ABHD18: variants seen among roughly 807,000 people sequenced by gnomAD.
The protein encoded by ABHD18 is abhydrolase domain containing 18, also known as cardiolipin-specific deacylase, mitochondrial.
ABHD18 carries 55 observed loss-of-function variants against 65.9 expected under a neutral mutation model. The ratio of observed to expected loss-of-function variants is 0.84; its 90% CI spans 0.67 to 1.05. The LOEUF (loss-of-function observed/expected upper bound fraction) is 1.05, where lower values mean the gene tolerates loss of function less well. Ranked by LOEUF, ABHD18 falls within the 50% of genes least tolerant of loss-of-function variation. ABHD18 has a pLI of 0.00. For synonymous variants in ABHD18, 181 were observed against 180.2 expected, an observed-to-expected ratio of 1.00 and a Z score of -0.04; for missense variants, 533 against 558.5, an observed-to-expected ratio of 0.95 and a Z score of 0.46.
At chr4:128,033,381 A>AT (rs1560948432) in intron 12 of ABHD18, among the ~76,000 whole-genome samples, 1 of 151,964 alleles carries the variant, frequency 6.6e-6, no homozygotes, top group Non-Finnish European at 1.5e-5. Context: ...TCCACCTCTA[A>AT]TTTTTTTCCC....
At position 127,967,797 on chromosome 4, in the gene ABHD18, T is replaced by A. The variant is rs181433117; in HGVS notation, c.-18+2191T>A. Among the ~76,000 whole-genome samples the A allele has an allele frequency of 3.2e-3, 490 of 152,238 alleles. 6 individuals carry two copies. The highest frequency in any genetic ancestry group is 0.011 in the African/African-American group (472 of 41,540). ...CATATATATATATGTAATTTTTTTT[T>A]ATAAAGCCCATGGAAAAGAGGAGCT... On this transcript the variant is annotated intron_variant, in intron 1 of 12. Coordinates refer to ENST00000645843, the MANE Select transcript of ABHD18 (RefSeq NM_001358451.3).
At chr4:127,971,095 G>T (rs1010738459) in intron 1 of ABHD18, among the ~76,000 whole-genome samples, 1 of 149,048 alleles carries the variant, frequency 6.7e-6, no homozygotes, top group Non-Finnish European at 1.5e-5. Context: ...AAAAAAGAAA[G>T]AAATTAGCCG....
At chr4:127,992,742 C>T (rs1426596198) in intron 4 of ABHD18, among the ~76,000 whole-genome samples, 1 of 151,960 alleles carries the variant, frequency 6.6e-6, no homozygotes, top group East Asian at 1.9e-4. Context: ...GGGGGTCTCA[C>T]TACATTGTCC....
chr4:127,972,344 C>CTCTGTGGAGG (rs917029906), intron 1 of ABHD18, among the ~76,000 whole-genome samples: 2 of 152,100 alleles, frequency 1.3e-5, no homozygotes, highest in Admixed American at 6.6e-5. Flanking sequence ...CTCCCTTCCC[C>CTCTGTGGAGG]TCTGTGGAGG....
At chr4:128,020,231 G>A (rs1052073468) in intron 9 of ABHD18, 62 bp downstream of exon 9, 2 of 1,373,884 alleles carry the variant, frequency 1.5e-6, no homozygotes, top group South Asian at 1.2e-5. Flanking sequence ...GTTTTGGGGG[G>A]GTCCCCAAAA....
chr4:128,034,158 C>T (rs1758604281), intron 12 of ABHD18, among the ~76,000 whole-genome samples: 1 of 151,746 alleles, frequency 6.6e-6, no homozygotes, highest in Admixed American at 6.6e-5. Context: ...GGGGTTTCAC[C>T]ATGTTGGCCA....
intron 4 of ABHD18, among the ~76,000 whole-genome samples, chr4:128,000,463 A>T (rs541504349): frequency 2.6e-5 from 4 of 152,056 alleles, no homozygotes; most frequent in Non-Finnish European, 4.4e-5. Context: ...TGCATTCTCT[A>T]TGCTATTCCA....
At chr4:128,034,119 C>T (rs1431168899) in intron 12 of ABHD18, among the ~76,000 whole-genome samples, 4 of 151,416 alleles carry the variant, frequency 2.6e-5, no homozygotes, top group Admixed American at 1.3e-4. Context: ...CCACCACACC[C>T]GGCTAATGTT....
chr4:127,974,188 G>GTT lies in ABHD18; in HGVS notation c.-18+8608_-18+8609dup, dbSNP rs34967150. 1.9e-3 allele frequency among the ~76,000 whole-genome samples: 195 copies of GTT among 101,494 alleles called. 12 individuals are homozygous for GTT. Among genetic ancestry groups the GTT allele is most frequent in the African/African-American group, 5.2e-3 (141 of 27,376 alleles). The allele number at this position is 101,494 out of a possible 152,430, so 66.6% of individuals were successfully genotyped here. A position where few individuals can be genotyped will look rare whatever the true frequency, so the allele number is the denominator to read the frequency against. On this transcript the variant is annotated intron_variant, in intron 1 of 12. Coordinates refer to ENST00000645843, the MANE Select transcript of ABHD18 (RefSeq NM_001358451.3). ...GAAGAGAATATTAACCTTAAGTTCTGTTTTTTTTTTTTTTTTTTTTTTTTT... is the reference window on the plus strand; with the variant it reads ...GAAGAGAATATTAACCTTAAGTTCTGTTTTTTTTTTTTTTTTTTTTTTTTTTT...
At chr4:127,996,542 G>A (rs1030501281) in intron 4 of ABHD18, among the ~76,000 whole-genome samples, 8 of 152,156 alleles carry the variant, frequency 5.3e-5, no homozygotes, top group African/African-American at 1.9e-4. Context: ...TTACTGATGA[G>A]GGTCTATGTC....
At chr4:127,977,270 C>T (rs769850457) in intron 1 of ABHD18, among the ~76,000 whole-genome samples, 10 of 149,496 alleles carry the variant, frequency 6.7e-5, no homozygotes, top group Admixed American at 1.3e-4. Flanking sequence ...GTCGGGAGTT[C>T]GAGACCAGCC....
chr4:127,998,534 C>T (rs564470919), intron 4 of ABHD18, among the ~76,000 whole-genome samples: 4 of 145,966 alleles, frequency 2.7e-5, no homozygotes, highest in Non-Finnish European at 6.0e-5. Context: ...CCACTGCTCC[C>T]GGCTGACTTT....
chr4:128,029,308 C>T (rs1757856563), intron 11 of ABHD18, among the ~76,000 whole-genome samples: 1 of 151,604 alleles, frequency 6.6e-6, no homozygotes, highest in African/African-American at 2.4e-5. Flanking sequence ...TGCAGTGAGC[C>T]AAGATCACAC....
intron 10 of ABHD18, 75 bp downstream of exon 10, chr4:128,021,313 A>G: frequency 1.1e-6 from 1 of 892,438 alleles, no homozygotes; most frequent in Non-Finnish European, 1.7e-6. Context: ...AGGTTTTTAA[A>G]GAGAATAGCA....
chr4:128,021,760 C>A (rs1200905998), intron 10 of ABHD18, among the ~76,000 whole-genome samples: 2 of 150,254 alleles, frequency 1.3e-5, no homozygotes, highest in East Asian at 1.9e-4. Flanking sequence ...CACACTGTAA[C>A]TAGTACCTAG....
At chr4:127,980,881 C>G (rs998143722) in intron 1 of ABHD18, among the ~76,000 whole-genome samples, 3 of 146,462 alleles carry the variant, frequency 2.0e-5, no homozygotes, top group African/African-American at 7.5e-5. Context: ...TCCATTTTTA[C>G]TATACATACC....
chr4:128,025,473 C>T (rs1192035164), intron 10 of ABHD18, among the ~76,000 whole-genome samples: 1 of 152,052 alleles, frequency 6.6e-6, no homozygotes, highest in African/African-American at 2.4e-5. Context: ...CAAAGTGTTT[C>T]CTTATTATTT....
rs566007582 is a variant in ABHD18 at position 128,015,615 on chromosome 4, G to T, written c.471-1748G>T. Among the ~76,000 whole-genome samples, 3 of 152,104 alleles carry T rather than the reference G, an allele frequency of 2.0e-5. No individual in the cohort carries two copies. The East Asian group carries it at 5.8e-4, about 29-fold the overall frequency. On this transcript the variant is annotated intron_variant, in intron 7 of 12. Transcript: ENST00000645843. ...AAGGATAGCATAGTTTCCATAAAAA[G>T]AAACCCTCCCTTCTGGACTTAGAGC...
chr4:127,996,462 C>T (rs896874408), intron 4 of ABHD18, among the ~76,000 whole-genome samples: 4 of 151,896 alleles, frequency 2.6e-5, no homozygotes, highest in African/African-American at 9.7e-5. Context: ...GGTGTACGAA[C>T]AGGGAGTAGG....
Sources: allele counts gnomAD v4.1 joint callset (sites outside exome capture counted in the v4.1 genomes callset), GRCh38; gene constraint gnomAD v4.1.1; transcripts MANE v1.5; gene names NCBI Gene and HGNC (gene_info 2026-07-23, HGNC 2026-07-21).